Variants in EPC2 observed in about 807,000 individuals in gnomAD.
EPC2 encodes enhancer of polycomb 2.
A neutral mutation model predicts 92.1 loss-of-function variants in EPC2; 14 were observed. That is an observed-to-expected ratio of 0.15 (90% CI 0.10 to 0.24). The LOEUF (loss-of-function observed/expected upper bound fraction) is 0.24. EPC2 is among the 10% of genes least tolerant of loss of function. The pLI, the probability that EPC2 is intolerant of heterozygous loss-of-function variation, is 1.00. For synonymous variants in EPC2, 340 were observed against 334.7 expected (o/e 1.02, Z -0.17); for missense variants, 755 against 971.5 (o/e 0.78, Z 2.96).
intron 2 of EPC2, among the ~76,000 whole-genome samples, chr2:148,733,965 A>C (rs1205095833): frequency 6.6e-6 from 1 of 152,264 alleles, no homozygotes; most frequent in East Asian, 1.9e-4. Flanking sequence ...ATTAGAATCC[A>C]CTGGAAAGTA....
intron 3 of EPC2, among the ~76,000 whole-genome samples, chr2:148,747,155 G>C (rs1683000397): frequency 6.6e-6 from 1 of 151,792 alleles, no homozygotes; most frequent in South Asian, 2.1e-4. Flanking sequence ...TTTAGTTACT[G>C]ATTAACCTTC....
At chr2:148,650,589 T>A (rs2105349270) in intron 1 of EPC2, among the ~76,000 whole-genome samples, 1 of 152,266 alleles carries the variant, frequency 6.6e-6, no homozygotes, top group South Asian at 2.1e-4. Context: ...CATGACTAAT[T>A]TGAATTGCCA....
intron 10 of EPC2, among the ~76,000 whole-genome samples, chr2:148,780,964 T>C (rs1422633989): frequency 6.6e-6 from 1 of 152,208 alleles, no homozygotes; most frequent in Non-Finnish European, 1.5e-5. Flanking sequence ...ATGTCTTGTT[T>C]TCATTTGAAA....
At chr2:148,775,239 C>T (rs1315573295) in intron 10 of EPC2, among the ~76,000 whole-genome samples, 1 of 152,070 alleles carries the variant, frequency 6.6e-6, no homozygotes, top group African/African-American at 2.4e-5. Flanking sequence ...ATGCGAAACA[C>T]TGTGTTAAAT....
At chr2:148,773,034 C>T (rs76829894) in intron 10 of EPC2, among the ~76,000 whole-genome samples, 1,628 of 152,222 alleles carry the variant, frequency 0.011, 32 homozygotes, top group East Asian at 0.069. Context: ...TCCTTCTCAA[C>T]GTGAACATTG....
intron 1 of EPC2, among the ~76,000 whole-genome samples, chr2:148,673,644 T>C (rs902573419): frequency 2.0e-5 from 3 of 152,146 alleles, no homozygotes; most frequent in African/African-American, 7.2e-5. Context: ...AGTGCAGTGG[T>C]GCGATCTCGG....
At chr2:148,672,435 T>G (rs917600277) in intron 1 of EPC2, among the ~76,000 whole-genome samples, 1 of 152,204 alleles carries the variant, frequency 6.6e-6, no homozygotes, top group African/African-American at 2.4e-5. Context: ...CTGACTTCCC[T>G]TTGTGCTTCG....
At chr2:148,704,618 A>G (rs1364049929) in intron 2 of EPC2, among the ~76,000 whole-genome samples, 1 of 152,224 alleles carries the variant, frequency 6.6e-6, no homozygotes, top group South Asian at 2.1e-4. Context: ...CACAGTGAGT[A>G]TCAAGTGGCA....
chr2:148,751,164 TG>T (rs1229241097), intron 3 of EPC2, among the ~76,000 whole-genome samples: 3 of 152,142 alleles, frequency 2.0e-5, no homozygotes, highest in African/African-American at 7.2e-5. Context: ...ACTACCTAGT[TG>T]ACTGTTTTGT....
chr2:148,734,130 C>A (rs867797468), intron 2 of EPC2, among the ~76,000 whole-genome samples: 1 of 152,186 alleles, frequency 6.6e-6, no homozygotes, highest in South Asian at 2.1e-4. Context: ...TATGGACTCA[C>A]AGAATAATAG....
chr2:148,775,779 T>TC (rs1432881568), intron 10 of EPC2, among the ~76,000 whole-genome samples: 13 of 118,734 alleles, frequency 1.1e-4, no homozygotes, highest in South Asian at 5.9e-4. Flanking sequence ...TCTTTTCTTT[T>TC]TTTTTTTTTT....
chr2:148,750,144 A>G (rs1380760233), intron 3 of EPC2, among the ~76,000 whole-genome samples: 1 of 151,860 alleles, frequency 6.6e-6, no homozygotes, highest in Non-Finnish European at 1.5e-5. Context: ...TCCTTATTCT[A>G]TTTGTGGTTC....
At chr2:148,714,064 C>T (rs1416870988) in intron 2 of EPC2, among the ~76,000 whole-genome samples, 2 of 140,516 alleles carry the variant, frequency 1.4e-5, no homozygotes, top group Non-Finnish European at 3.1e-5. Context: ...TCCCACCCCC[C>T]ACCCTCTGAC....
intron 3 of EPC2, among the ~76,000 whole-genome samples, chr2:148,752,367 G>A (rs1215761569): frequency 6.6e-6 from 1 of 152,136 alleles, no homozygotes; most frequent in Non-Finnish European, 1.5e-5. Flanking sequence ...AGAAAGCTGT[G>A]TTCTTATTCT....
chr2:148,666,078 G>A (rs10497039), intron 1 of EPC2, among the ~76,000 whole-genome samples: 23,645 of 152,178 alleles, frequency 0.16, 2,367 homozygotes, highest in Middle Eastern at 0.24. Context: ...TGGATAGCAT[G>A]TTCTTTAGGC....
intron 10 of EPC2, among the ~76,000 whole-genome samples, chr2:148,780,436 G>T (rs1574640067): frequency 6.6e-6 from 1 of 152,078 alleles, no homozygotes; most frequent in East Asian, 1.9e-4. Context: ...ATTCATGTGT[G>T]ATCCTATTCA....
chr2:148,741,683 CTT>C (rs928033165), intron 2 of EPC2, among the ~76,000 whole-genome samples: 17 of 152,170 alleles, frequency 1.1e-4, no homozygotes, highest in African/African-American at 4.1e-4. Flanking sequence ...ATTGATATCT[CTT>C]TTACTGCCTT....
chr2:148,745,163 G>A (rs1309063186), intron 3 of EPC2, among the ~76,000 whole-genome samples: 1 of 151,940 alleles, frequency 6.6e-6, no homozygotes, highest in Non-Finnish European at 1.5e-5. Flanking sequence ...CATTATAATT[G>A]GTGACTTACA....
chr2:148,691,910 A>G, intron 2 of EPC2: 2 of 485,378 alleles, frequency 4.1e-6, no homozygotes, highest in South Asian at 3.5e-5. Context: ...TAATATTAAC[A>G]CACAAGCATA....
Sources: gnomAD v4.1 joint callset for allele counts (sites outside exome capture counted in the v4.1 genomes callset) on GRCh38, gnomAD v4.1.1 for gene constraint, MANE v1.5 for transcripts, NCBI Gene and HGNC (gene_info 2026-07-23, HGNC 2026-07-21) for gene names.